ARL14EPL: variants seen among roughly 807,000 people sequenced by gnomAD.
The protein encoded by ARL14EPL is ARF like GTPase 14 effector protein like, also known as ARL14 effector protein-like.
In ARL14EPL, 17 loss-of-function variants were observed where a neutral mutation model predicts 15.9. The ratio of observed to expected loss-of-function variants is 1.07; its 90% confidence interval spans 0.73 to 1.60. The LOEUF (loss-of-function observed/expected upper bound fraction) is 1.60. Among genes scored for constraint, ARL14EPL ranks in the 40% most tolerant of loss-of-function variants. ARL14EPL has a pLI of 0.00. For synonymous variants in ARL14EPL, 78 were observed against 63.8 expected (o/e 1.22, Z -1.06); for missense variants, 214 against 185.9 (o/e 1.15, Z -0.88).
At chr5:116,043,380 T>G (rs1580412521) in intron 1 of ARL14EPL, among the ~76,000 whole-genome samples, 2 of 152,046 alleles carry the variant, frequency 1.3e-5, no homozygotes, top group South Asian at 4.2e-4. Flanking sequence ...ATTCAACTTA[T>G]TCTCTAAGAA....
chr5:116,059,084 C>A lies in ARL14EPL; in HGVS notation c.*137C>A. 1.2e-6 allele frequency: 1 copy of A among 809,796 alleles called. No homozygotes were observed. The highest frequency in any genetic ancestry group is 1.9e-6 in the Non-Finnish European group (1 of 517,792). The allele number at this position is 809,796 out of a possible 1,614,324, so 50.2% of individuals were successfully genotyped here. A position where few individuals can be genotyped will look rare whatever the true frequency, so the allele number is the denominator to read the frequency against. ...ACTCATGTTCTGTCAAGCCCCAGAA[C>A]AATGTAGAATGGGCAATAATTCTGT... is the stretch of plus-strand genomic sequence containing the variant. On this transcript the variant is annotated 3_prime_UTR_variant, in exon 4 of 4. Transcript: ENST00000686077.
intron 1 of ARL14EPL, 193 bp from the exon 2 acceptor site, chr5:116,051,264 G>T: frequency 2.1e-6 from 1 of 483,288 alleles, no homozygotes; most frequent in South Asian, 3.7e-5. Context: ...GCAGAGGAGA[G>T]CCTCAGTAGG....
chr5:116,054,076 C>A lies in ARL14EPL; in HGVS notation c.159C>A (p.Asp53Glu). The A allele has an allele frequency of 6.5e-7, 1 of 1,535,780 alleles. No individual in the cohort carries two copies. The highest frequency in any genetic ancestry group is 8.7e-7 in the Non-Finnish European group (1 of 1,146,732). The stretch of plus-strand genomic sequence containing the variant: ...GAAACCCTGGACCACAGGTAGCAGA[C>A]TTTAATCCTGAAACAAGGCAGCAGA... The part of the protein sequence containing the change: ...AFRNPGPQVA[D>E]FNPETRQQKK... Residue 53 changes from aspartate (D) to glutamate (E), a missense_variant, in exon 3 of 4, where the codon GAC (aspartate) becomes GAA (glutamate). Coordinates refer to ENST00000686077, the MANE Select transcript of ARL14EPL (RefSeq NM_001195581.2).
chr5:116,033,425 T>G lies in ARL14EPL; in HGVS notation c.-10+920T>G, dbSNP rs974758565. The stretch of plus-strand genomic sequence containing the variant: ...CTAATGTAAGTGTTCTCAGAACATT[T>G]GAGGTAGACTATGCTAAGCTATGAT... On this transcript the variant is annotated intron_variant, in intron 1 of 3. Coordinates refer to ENST00000686077, the MANE Select transcript of ARL14EPL (RefSeq NM_001195581.2). Among the ~76,000 whole-genome samples the G allele has an allele frequency of 2.6e-5, 4 of 152,220 alleles. No homozygotes were observed. The East Asian group carries it at 7.7e-4, about 29-fold the overall frequency.
chr5:116,059,222 A>T lies in ARL14EPL; in HGVS notation c.*275A>T, dbSNP rs983067392. The T allele has an allele frequency of 2.7e-6, 1 of 367,464 alleles. No homozygotes were observed. The highest frequency in any genetic ancestry group is 2.0e-5 in the African/African-American group (1 of 48,996). 22.8% of individuals were successfully genotyped at this position (367,464 alleles called of 1,614,324 possible). On this transcript the variant is annotated 3_prime_UTR_variant, in exon 4 of 4. Transcript: ENST00000686077. ...CACCCTCATCTCTACTCTGCCTTCA[A>T]ATTAAAACTCTCTTCCCTCTTTGCT...
intron 1 of ARL14EPL, among the ~76,000 whole-genome samples, chr5:116,046,994 A>C (rs550659116): frequency 6.6e-6 from 1 of 152,240 alleles, no homozygotes; most frequent in Non-Finnish European, 1.5e-5. Context: ...CCCTGTGAGG[A>C]CTTACTAAGA....
chr5:116,053,732 G>A (rs374039757), intron 2 of ARL14EPL, among the ~76,000 whole-genome samples: 4 of 152,238 alleles, frequency 2.6e-5, no homozygotes, highest in South Asian at 2.1e-4. Context: ...GCTGAGTGGC[G>A]TTTTGCGGTT....
intron 1 of ARL14EPL, among the ~76,000 whole-genome samples, chr5:116,048,997 G>A (rs1749323123): frequency 1.3e-5 from 2 of 152,148 alleles, no homozygotes. Flanking sequence ...TTTTAAAGTA[G>A]AAAGTGCATT....
chr5:116,050,285 G>T (rs1749344877), intron 1 of ARL14EPL, among the ~76,000 whole-genome samples: 1 of 152,126 alleles, frequency 6.6e-6, no homozygotes, highest in Non-Finnish European at 1.5e-5. Context: ...GTCTATTGTT[G>T]CCATCTTTCT....
intron 1 of ARL14EPL, among the ~76,000 whole-genome samples, chr5:116,050,732 A>C (rs910492754): frequency 6.6e-6 from 1 of 151,270 alleles, no homozygotes. Flanking sequence ...AGAACATTGC[A>C]GACCAGCCCT....
At chr5:116,051,607 C>A (rs1749381117) in intron 2 of ARL14EPL, 46 bp downstream of exon 2, 1 of 1,437,514 alleles carries the variant, frequency 7.0e-7, no homozygotes, top group African/African-American at 1.4e-5. Context: ...GGGAGTGCCC[C>A]CTCGAGGATC....
At chr5:116,056,746 G>A (rs1395608966) in intron 3 of ARL14EPL, among the ~76,000 whole-genome samples, 1 of 152,158 alleles carries the variant, frequency 6.6e-6, no homozygotes, top group East Asian at 1.9e-4. Flanking sequence ...GAATGGTATT[G>A]CCTAGGTTTT....
chr5:116,034,409 T>C (rs932001668), intron 1 of ARL14EPL, among the ~76,000 whole-genome samples: 1 of 152,150 alleles, frequency 6.6e-6, no homozygotes, highest in African/African-American at 2.4e-5. Flanking sequence ...CACTAGAGGG[T>C]GGCCTCAGTA....
intron 3 of ARL14EPL, 82 bp downstream of exon 3, chr5:116,054,235 T>C: frequency 7.5e-7 from 1 of 1,338,986 alleles, no homozygotes; most frequent in Admixed American, 2.7e-5. Flanking sequence ...AAAGATTCCC[T>C]CTTTTTATTA....
At chr5:116,040,941 C>A (rs1333186776) in intron 1 of ARL14EPL, among the ~76,000 whole-genome samples, 1 of 122,414 alleles carries the variant, frequency 8.2e-6, no homozygotes, top group Non-Finnish European at 1.6e-5. Flanking sequence ...AATAGCGCCA[C>A]TGCACTCCAG....
intron 1 of ARL14EPL, among the ~76,000 whole-genome samples, chr5:116,034,789 T>A (rs1749019218): frequency 6.6e-6 from 1 of 152,190 alleles, no homozygotes; most frequent in Non-Finnish European, 1.5e-5. Context: ...GAAACCAGAC[T>A]AATTTTGTTT....
At chr5:116,055,802 C>A (rs1160971973) in intron 3 of ARL14EPL, among the ~76,000 whole-genome samples, 8 of 152,140 alleles carry the variant, frequency 5.3e-5, no homozygotes, top group Non-Finnish European at 1.0e-4. Context: ...CCCCACTCCC[C>A]CAACCCCACA....
chr5:116,051,824 A>G, intron 2 of ARL14EPL: 1 of 935,538 alleles, frequency 1.1e-6, no homozygotes, highest in Non-Finnish European at 1.6e-6. Context: ...TTTTGTGGAG[A>G]ATATATACAA....
intron 1 of ARL14EPL, among the ~76,000 whole-genome samples, chr5:116,040,744 T>A (rs10037163): frequency 2.0e-5 from 3 of 148,746 alleles, no homozygotes; most frequent in Non-Finnish European, 3.0e-5. Context: ...GAGGCCAAGG[T>A]GGGCGGATCA....
Sources: gnomAD v4.1 joint callset for allele counts (sites outside exome capture counted in the v4.1 genomes callset) on GRCh38, gnomAD v4.1.1 for gene constraint, MANE v1.5 for transcripts, NCBI Gene and HGNC (gene_info 2026-07-23, HGNC 2026-07-21) for gene names.